Variants in SLCO1B3 observed in about 807,000 individuals in gnomAD.
The protein encoded by SLCO1B3 is liver-specific organic anion transporter 2.
SLCO1B3 carries 72 observed loss-of-function variants against 71.8 expected under a neutral mutation model. The observed-to-expected ratio is 1.00, with a 90% CI of 0.83 to 1.22. SLCO1B3 has a LOEUF of 1.22. Ranked by LOEUF, SLCO1B3 falls within the 50% of genes most tolerant of loss-of-function variation. The probability of loss-of-function intolerance (pLI) is 0.00; values close to 1 mark genes in which losing one functional copy is unlikely to be tolerated. For missense variants in SLCO1B3, 911 were observed against 819.7 expected, an observed-to-expected ratio of 1.11 and a Z score of -1.36; for synonymous variants, 298 against 278.4, an observed-to-expected ratio of 1.07 and a Z score of -0.70.
chr12:20,866,561 T>C (rs550763660), intron 8 of SLCO1B3, among the ~76,000 whole-genome samples: 1 of 152,202 alleles, frequency 6.6e-6, no homozygotes, highest in South Asian at 2.1e-4. Context: ...AATGCATAAT[T>C]TGAAAATTTT....
At chr12:20,861,290 A>G in intron 6 of SLCO1B3, 152 bp downstream of exon 6, 1 of 657,336 alleles carries the variant, frequency 1.5e-6, no homozygotes, top group Non-Finnish European at 2.4e-6. Flanking sequence ...CTGTTAATGT[A>G]TGCAGTCGAT....
At chr12:20,813,986 G>T (rs1019502381) in intron 2 of SLCO1B3, among the ~76,000 whole-genome samples, 1 of 151,932 alleles carries the variant, frequency 6.6e-6, no homozygotes, top group Non-Finnish European at 1.5e-5. Flanking sequence ...AGATAACATT[G>T]ATATTTACAT....
intron 13 of SLCO1B3, among the ~76,000 whole-genome samples, chr12:20,885,441 G>GAT (rs897441349): frequency 6.6e-6 from 1 of 151,934 alleles, no homozygotes; most frequent in Non-Finnish European, 1.5e-5. Context: ...ACAGGGAGTG[G>GAT]ATATATATAG....
At chr12:20,847,549 T>C (rs1304606) in intron 3 of SLCO1B3, among the ~76,000 whole-genome samples, 101,190 of 151,894 alleles carry the variant, frequency 0.67, 36,929 homozygotes, top group South Asian at 0.83. Context: ...GAAATATACA[T>C]GTTTATTTCT....
At chr12:20,913,374 A>C (rs1866424901) in intron 15 of SLCO1B3, among the ~76,000 whole-genome samples, 1 of 152,214 alleles carries the variant, frequency 6.6e-6, no homozygotes. Context: ...TATAATTTCC[A>C]AGAACCTGTA....
At chr12:20,814,137 C>G (rs568676326) in intron 2 of SLCO1B3, among the ~76,000 whole-genome samples, 1 of 152,138 alleles carries the variant, frequency 6.6e-6, no homozygotes, top group South Asian at 2.1e-4. Context: ...ACTTTATATA[C>G]ATAAATATGT....
intron 1 of SLCO1B3, among the ~76,000 whole-genome samples, chr12:20,812,663 G>A (rs185823895): frequency 7.9e-5 from 12 of 152,264 alleles, no homozygotes; most frequent in Admixed American, 6.5e-4. Flanking sequence ...TGTTGTAAGA[G>A]GGATCTTTGA....
At chr12:20,891,137 T>C (rs1865894334) in intron 13 of SLCO1B3, among the ~76,000 whole-genome samples, 1 of 152,162 alleles carries the variant, frequency 6.6e-6, no homozygotes, top group African/African-American at 2.4e-5. Flanking sequence ...CTTTGTGTGT[T>C]TCCATAATGA....
At chr12:20,892,781 T>G (rs532457476) in intron 13 of SLCO1B3, among the ~76,000 whole-genome samples, 10 of 152,136 alleles carry the variant, frequency 6.6e-5, no homozygotes, top group Non-Finnish European at 1.2e-4. Flanking sequence ...GAAAATGGAC[T>G]AGTAGAATAT....
At chr12:20,906,719 C>T (rs1472506948) in intron 15 of SLCO1B3, among the ~76,000 whole-genome samples, 1 of 152,114 alleles carries the variant, frequency 6.6e-6, no homozygotes, top group Non-Finnish European at 1.5e-5. Context: ...GATTGCAGCT[C>T]TGTTATTATC....
chr12:20,897,830 C>T (rs1176891242), intron 13 of SLCO1B3, among the ~76,000 whole-genome samples: 1 of 152,084 alleles, frequency 6.6e-6, no homozygotes, highest in South Asian at 2.1e-4. Flanking sequence ...GTTTATTGAA[C>T]ACAGAAAAAT....
rs1864097234 is a variant in SLCO1B3 at position 20,810,751 on chromosome 12, CAT to C, written c.-193_-192del. The C allele has an allele frequency of 6.6e-6, 1 of 152,124 alleles. No homozygotes were observed. The highest frequency in any genetic ancestry group is 1.5e-5 in the Non-Finnish European group (1 of 68,006). 9.4% of individuals were successfully genotyped at this position (152,124 alleles called of 1,614,324 possible). A position where few individuals can be genotyped will look rare whatever the true frequency, so the allele number is the denominator to read the frequency against. On this transcript the variant is annotated 5_prime_UTR_variant, in exon 1 of 16. Coordinates refer to ENST00000381545, the MANE Select transcript of SLCO1B3 (RefSeq NM_019844.4). ...GATGGACTTGTTGCAGTTGCTGTAG[CAT>C]TCAAAGTCAAGGTAAGAACCGTCGA...
intron 3 of SLCO1B3, among the ~76,000 whole-genome samples, chr12:20,830,133 G>T (rs912734120): frequency 2.0e-5 from 3 of 152,146 alleles, no homozygotes; most frequent in African/African-American, 7.2e-5. Flanking sequence ...ACATGCCTCT[G>T]ACAGTGTGAG....
intron 2 of SLCO1B3, among the ~76,000 whole-genome samples, chr12:20,814,143 T>G (rs1234968544): frequency 6.6e-6 from 1 of 152,158 alleles, no homozygotes; most frequent in Non-Finnish European, 1.5e-5. Flanking sequence ...TATACATAAA[T>G]ATGTGTTATG....
chr12:20,810,791 A>G (rs1322948375), intron 1 of SLCO1B3, 27 bp downstream of exon 1: 1 of 152,200 alleles, frequency 6.6e-6, no homozygotes, highest in Non-Finnish European at 1.5e-5. Context: ...TTGTCTAATT[A>G]AAACATTTCT....
chr12:20,850,864 C>A (rs1256840852), intron 3 of SLCO1B3, among the ~76,000 whole-genome samples: 2 of 152,130 alleles, frequency 1.3e-5, no homozygotes, highest in Admixed American at 1.3e-4. Context: ...ATTTTAAGTT[C>A]TTTGAGAAAT....
intron 13 of SLCO1B3, among the ~76,000 whole-genome samples, chr12:20,888,730 A>G (rs573954942): frequency 3.9e-5 from 6 of 152,170 alleles, no homozygotes; most frequent in Admixed American, 2.6e-4. Flanking sequence ...ACTACGTTGA[A>G]TACGAGTAGT....
At chr12:20,875,059 A>G (rs1244094423) in intron 8 of SLCO1B3, among the ~76,000 whole-genome samples, 176 bp from the exon 9 acceptor site, 2 of 152,230 alleles carry the variant, frequency 1.3e-5, no homozygotes, top group African/African-American at 2.4e-5. Flanking sequence ...GATGTCATCA[A>G]CCTAGTTTCA....
chr12:20,916,399 C>CCTG lies in SLCO1B3; in HGVS notation c.*152_*153insCTG. 1.5e-6 allele frequency: 1 copy of CCTG among 649,736 alleles called. No homozygotes were observed. The allele number at this position is 649,736 out of a possible 1,614,324, so 40.2% of individuals were successfully genotyped here. On this transcript the variant is annotated 3_prime_UTR_variant, in exon 16 of 16. Coordinates refer to ENST00000381545, the MANE Select transcript of SLCO1B3 (RefSeq NM_019844.4). ...GGGAGTACCCATGGTTAGGATATAG[C>CCTG]TATGCCTTTATGGTTAAGATTAGAA... is the stretch of plus-strand genomic sequence containing the variant.
Sources: gnomAD v4.1 joint callset for allele counts (sites outside exome capture counted in the v4.1 genomes callset) on GRCh38, gnomAD v4.1.1 for gene constraint, MANE v1.5 for transcripts, NCBI Gene and HGNC (gene_info 2026-07-23, HGNC 2026-07-21) for gene names.